The following ABLIM1 variants were observed in gnomAD, a reference collection of about 807,000 sequenced individuals.
The protein encoded by ABLIM1 is actin-binding LIM protein 1.
A neutral mutation model predicts 107.0 loss-of-function variants in ABLIM1; 40 were observed. The observed-to-expected ratio is 0.37, with a 90% CI of 0.29 to 0.49. ABLIM1 has a LOEUF of 0.49. ABLIM1 is among the 20% of genes least tolerant of loss of function. The pLI, the probability that ABLIM1 is intolerant of heterozygous loss-of-function variation, is 0.97. For synonymous variants in ABLIM1, 357 were observed against 357.3 expected (o/e 1.00, Z 0.01); for missense variants, 857 against 1,008.5 (o/e 0.85, Z 2.04).
chr10:114,688,426 G>A (rs74158036), upstream of ABLIM1, among the ~76,000 whole-genome samples: 473 of 152,058 alleles, frequency 3.1e-3, 2 homozygotes, highest in African/African-American at 0.011. Context: ...GAACTTGTAC[G>A]CCAATCATAT....
intron 1 of ABLIM1, among the ~76,000 whole-genome samples, chr10:114,638,947 C>A (rs2078610931): frequency 1.3e-5 from 2 of 152,042 alleles, no homozygotes; most frequent in Non-Finnish European, 2.9e-5. Context: ...TAATCATCCA[C>A]CCTGTCTAAT....
At chr10:114,443,756 A>C (rs574997533) in intron 17 of ABLIM1, among the ~76,000 whole-genome samples, 1 of 151,048 alleles carries the variant, frequency 6.6e-6, no homozygotes, top group South Asian at 2.1e-4. Context: ...CTTGGAGATG[A>C]GTGTTCTAGA....
At chr10:114,664,276 T>C (rs1020271566) in intron 1 of ABLIM1, among the ~76,000 whole-genome samples, 3 of 152,148 alleles carry the variant, frequency 2.0e-5, no homozygotes, top group African/African-American at 4.8e-5. Context: ...AACTAAAACA[T>C]TCATTAAGTG....
the ABLIM1 span, among the ~76,000 whole-genome samples, chr10:114,787,073 C>A: frequency 6.6e-6 from 1 of 151,866 alleles, no homozygotes; most frequent in African/African-American, 2.4e-5. Flanking sequence ...CTGCCGCCAT[C>A]CCATCTAGGA....
chr10:114,512,128 CT>C (rs1180092294), intron 6 of ABLIM1, among the ~76,000 whole-genome samples: 1 of 152,170 alleles, frequency 6.6e-6, no homozygotes, highest in Non-Finnish European at 1.5e-5. Flanking sequence ...GTGAACTTTC[CT>C]GGGGGGAAGC....
At chr10:114,599,710 C>T (rs1484509552) in intron 2 of ABLIM1, among the ~76,000 whole-genome samples, 4 of 151,920 alleles carry the variant, frequency 2.6e-5, no homozygotes, top group Admixed American at 2.6e-4. Context: ...TTGCTTGAAC[C>T]TAGGAGGCGG....
Position 114,707,609 on chromosome 10 carries a change from C to T in ABLIM1, c.-213+60452G>A, listed in dbSNP as rs1227396823. Among the ~76,000 whole-genome samples the T allele has an allele frequency of 6.6e-6, 1 of 152,070 alleles. No individual in the cohort carries two copies. The highest frequency in any genetic ancestry group is 1.5e-5 in the Non-Finnish European group (1 of 68,022). ...CTTCCTGAGTACTAGTCATAAAAAA[C>T]TAATTACCGGCCGGGCACGGTGGCT... On this transcript the variant is annotated intron_variant, in intron 1 of 15. Coordinates refer to the ABLIM1 transcript ENST00000651092. The surrounding 1 kb of genome is among the most constrained non-coding windows in gnomAD (Gnocchi z 4.1).
chr10:114,766,850 T>G (rs2082906442), intron 1 of ABLIM1, among the ~76,000 whole-genome samples: 1 of 152,190 alleles, frequency 6.6e-6, no homozygotes, highest in Non-Finnish European at 1.5e-5. Flanking sequence ...CCATGCTCTT[T>G]TTTCGTTCTC....
rs145846583 is a variant in ABLIM1, at chr10:114,743,999, C to T, written c.-213+24062G>A. On this transcript the variant is annotated intron_variant, in intron 1 of 15. Transcript: ENST00000651092. Reference sequence around the variant, plus strand: ...AAGAGTCTCATTTCTGTATGAACCACCAGGAATGCAGCCTGTAATGGCAGC... The same window carrying T: ...AAGAGTCTCATTTCTGTATGAACCATCAGGAATGCAGCCTGTAATGGCAGC... Among the ~76,000 whole-genome samples, 533 of 152,268 alleles carry T rather than the reference C, an allele frequency of 3.5e-3. 5 individuals carry two copies. Among genetic ancestry groups the T allele is most frequent in the African/African-American group, 0.012 (515 of 41,546 alleles).
intron 1 of ABLIM1, among the ~76,000 whole-genome samples, chr10:114,648,646 G>T (rs1326770039): frequency 6.6e-6 from 1 of 152,160 alleles, no homozygotes; most frequent in Admixed American, 6.5e-5. Context: ...AAATGCACAG[G>T]CTCGTAAATG....
At chr10:114,497,577 G>A (rs1473959411) in intron 6 of ABLIM1, among the ~76,000 whole-genome samples, 1 of 151,418 alleles carries the variant, frequency 6.6e-6, no homozygotes, top group African/African-American at 2.4e-5. Context: ...AGCTACTTGG[G>A]AGGCTGAGGC....
At chr10:114,623,430 C>G (rs879656755) in intron 1 of ABLIM1, among the ~76,000 whole-genome samples, 4 of 152,182 alleles carry the variant, frequency 2.6e-5, no homozygotes, top group African/African-American at 9.7e-5. Context: ...TTTCATCCTG[C>G]TGGAGAGCCA....
intron 17 of ABLIM1, 135 bp downstream of exon 17, chr10:114,443,894 A>G (rs1255095712): frequency 2.2e-5 from 15 of 672,834 alleles, no homozygotes; most frequent in Non-Finnish European, 3.9e-5. Flanking sequence ...CTCATTTGAC[A>G]TGGAGTGGGT....
chr10:114,697,295 G>A (rs1254539069), intron 1 of ABLIM1, among the ~76,000 whole-genome samples: 2 of 152,232 alleles, frequency 1.3e-5, no homozygotes, highest in African/African-American at 4.8e-5. Context: ...AACAGTCTGA[G>A]TCAGAGACAC....
At chr10:114,780,750 C>G in the ABLIM1 span, among the ~76,000 whole-genome samples, 6 of 152,186 alleles carry the variant, frequency 3.9e-5, no homozygotes, top group Non-Finnish European at 4.4e-5. Flanking sequence ...TTTCTTACTT[C>G]TCTTAGGTTG....
At chr10:114,536,227 G>GTTTTTTTTTT (rs536435789) in intron 6 of ABLIM1, among the ~76,000 whole-genome samples, 2 of 56,260 alleles carry the variant, frequency 3.6e-5, no homozygotes, top group African/African-American at 1.7e-4. Context: ...TTCTTTCTTT[G>GTTTTTTTTTT]TTTTTTTTTT....
the ABLIM1 span, among the ~76,000 whole-genome samples, chr10:114,783,846 G>T: frequency 6.6e-6 from 1 of 151,986 alleles, no homozygotes; most frequent in African/African-American, 2.4e-5. Context: ...GCAATAAGCT[G>T]TCCAGTATCA....
intron 1 of ABLIM1, among the ~76,000 whole-genome samples, chr10:114,714,533 C>T (rs1306768410): frequency 6.6e-6 from 1 of 152,168 alleles, no homozygotes; most frequent in Admixed American, 6.5e-5. Flanking sequence ...ACTGAGGTTA[C>T]CAACAGATTC....
At chr10:114,750,260 T>C (rs766727196) in intron 1 of ABLIM1, among the ~76,000 whole-genome samples, 3 of 152,234 alleles carry the variant, frequency 2.0e-5, no homozygotes, top group Non-Finnish European at 4.4e-5. Context: ...AAATCAAGCC[T>C]GTCAAATTAT....
Sources: gnomAD v4.1 joint callset for allele counts (sites outside exome capture counted in the v4.1 genomes callset) on GRCh38, gnomAD v4.1.1 for gene constraint, Gnocchi (gnomAD v3.1) non-coding constraint, MANE v1.5 for transcripts, NCBI Gene and HGNC (gene_info 2026-07-23, HGNC 2026-07-21) for gene names.